WNK1: variants seen among roughly 807,000 people sequenced by gnomAD.
WNK1 encodes WNK lysine deficient protein kinase 1, also known as serine/threonine-protein kinase WNK1.
Under a neutral mutation model 222.8 loss-of-function variants are expected in WNK1, and 38 were observed. The ratio of observed to expected loss-of-function variants is 0.17; its 90% CI spans 0.13 to 0.22. The LOEUF (loss-of-function observed/expected upper bound fraction) is 0.22. Among genes scored for constraint, WNK1 ranks in the 10% least tolerant of loss-of-function variants. The pLI is 1.00. For missense variants in WNK1, 2,348 were observed against 2,918.4 expected (o/e 0.80, Z 4.50); for synonymous variants, 1,090 against 1,092.9 (o/e 1.00, Z 0.05).
intron 8 of WNK1, chr12:867,824 A>C (rs1565546765): frequency 6.2e-7 from 1 of 1,609,528 alleles, no homozygotes; most frequent in Non-Finnish European, 8.5e-7. Flanking sequence ...GTAATTTCAC[A>C]TATGAATGTA....
chr12:830,634 A>G (rs1948720322), intron 4 of WNK1, among the ~76,000 whole-genome samples: 1 of 152,238 alleles, frequency 6.6e-6, no homozygotes, highest in Admixed American at 6.5e-5. Flanking sequence ...ATTGTAGTTT[A>G]AATTACTCAT....
chr12:844,885 C>T (rs968768620), intron 4 of WNK1, among the ~76,000 whole-genome samples: 23 of 144,420 alleles, frequency 1.6e-4, no homozygotes, highest in Non-Finnish European at 2.8e-4. Context: ...AATATTGTAC[C>T]TTCTCTTTTT....
At chr12:780,481 T>C (rs1341383790) in intron 1 of WNK1, among the ~76,000 whole-genome samples, 1 of 152,208 alleles carries the variant, frequency 6.6e-6, no homozygotes, top group Non-Finnish European at 1.5e-5. Context: ...TGTAGTGTGT[T>C]GCATGCACTA....
chr12:877,506 A>G (rs951407542), intron 9 of WNK1, among the ~76,000 whole-genome samples: 3 of 152,204 alleles, frequency 2.0e-5, no homozygotes, highest in Non-Finnish European at 4.4e-5. Flanking sequence ...GTGTATAATT[A>G]CGCACCATGC....
intron 5 of WNK1, among the ~76,000 whole-genome samples, chr12:857,547 G>T (rs1327039631): frequency 1.3e-5 from 2 of 152,166 alleles, no homozygotes; most frequent in Non-Finnish European, 2.9e-5. Context: ...ACTCAAAAAA[G>T]AGTTTAATAT....
intron 26 of WNK1, 162 bp downstream of exon 26, chr12:900,832 A>C: frequency 1.1e-6 from 1 of 884,524 alleles, no homozygotes; most frequent in Non-Finnish European, 1.9e-6. Flanking sequence ...AGTGATAATG[A>C]GAATCGGTGG....
chr12:801,673 G>A (rs1004467492), intron 1 of WNK1, among the ~76,000 whole-genome samples: 2 of 151,570 alleles, frequency 1.3e-5, no homozygotes, highest in African/African-American at 4.9e-5. Context: ...CTCCCAAAGT[G>A]CTGGGATTAT....
chr12:886,167 G>GT, intron 19 of WNK1, 83 bp downstream of exon 19: 1 of 1,226,394 alleles, frequency 8.2e-7, no homozygotes, highest in Non-Finnish European at 1.1e-6. Context: ...CTTCAGCCTT[G>GT]TAAGTTAGAA....
chr12:827,492 G>A lies in WNK1; in HGVS notation c.1153+230G>A, dbSNP rs1324625322. 3.8e-5 allele frequency: 22 copies of A among 580,652 alleles called. No homozygotes were observed. Among genetic ancestry groups the A allele is most frequent in the Non-Finnish European group, 3.1e-6 (1 of 327,828 alleles). 36.0% of individuals were successfully genotyped at this position (580,652 alleles called of 1,614,324 possible). On this transcript the variant is annotated intron_variant, in intron 3 of 27. Coordinates refer to ENST00000315939, the MANE Select transcript of WNK1 (RefSeq NM_018979.4). The surrounding 1 kb of genome is among the most constrained non-coding windows in gnomAD (Gnocchi z 4.6). ...CGTTACAAGAAATAAAGTGAACTTTGTTGATAAAACCTAATGTAATAGCCT... is the reference window on the plus strand; with the variant it reads ...CGTTACAAGAAATAAAGTGAACTTTATTGATAAAACCTAATGTAATAGCCT...
At chr12:889,547 A>G (rs1348031442) in intron 21 of WNK1, among the ~76,000 whole-genome samples, 6 of 152,170 alleles carry the variant, frequency 3.9e-5, no homozygotes, top group Non-Finnish European at 7.3e-5. Flanking sequence ...GGCTAGGTGC[A>G]GTGGCTCACG....
chr12:893,741 T>G (rs1418112445), intron 22 of WNK1, among the ~76,000 whole-genome samples: 2 of 151,286 alleles, frequency 1.3e-5, no homozygotes, highest in African/African-American at 4.9e-5. Flanking sequence ...GAGAATGGCA[T>G]GAACCTGGGA....
intron 2 of WNK1, among the ~76,000 whole-genome samples, chr12:820,288 A>T (rs1947737075): frequency 6.6e-6 from 1 of 152,112 alleles, no homozygotes; most frequent in East Asian, 1.9e-4. Flanking sequence ...CCTTGGTTAA[A>T]TTTATTCCTA....
At chr12:895,798 C>G (rs772327933) in intron 23 of WNK1, among the ~76,000 whole-genome samples, 23 of 152,178 alleles carry the variant, frequency 1.5e-4, no homozygotes, top group Non-Finnish European at 3.1e-4. Flanking sequence ...AGACATAAAT[C>G]TGAATTCTGT....
chr12:816,505 C>G (rs1947352815), intron 2 of WNK1, among the ~76,000 whole-genome samples: 1 of 151,854 alleles, frequency 6.6e-6, no homozygotes, highest in Non-Finnish European at 1.5e-5. Context: ...CTCTCAAACT[C>G]CTGAGCTCAT....
At chr12:875,044 A>G (rs1360894786) in intron 9 of WNK1, among the ~76,000 whole-genome samples, 1 of 152,222 alleles carries the variant, frequency 6.6e-6, no homozygotes, top group African/African-American at 2.4e-5. Context: ...AAAAAATTAT[A>G]CTGTGAGCAA....
intron 11 of WNK1, 99 bp from the exon 12 acceptor site, chr12:880,622 T>G: frequency 1.6e-6 from 2 of 1,289,700 alleles, no homozygotes; most frequent in Admixed American, 3.5e-5. Flanking sequence ...TATTCTTCTT[T>G]GCTGTGTGCT....
Position 907,889 on chromosome 12 carries a change from A to G in WNK1, c.6686A>G (p.Gln2229Arg). Reference protein sequence around the residue: ...TNTVGATVNSQAAQAQPPAMT... With the variant: ...TNTVGATVNSRAAQAQPPAMT... ...ACTGTTGGGGCAACAGTGAACAGCC[A>G]AGCCGCCCAAGCTCAGCCTCCTGCC... is the stretch of plus-strand genomic sequence containing the variant. Residue 2229 changes from glutamine (Q) to arginine (R), a missense_variant, in exon 27 of 28, where the codon CAA becomes CGA. By Grantham distance (43) the Gln-to-Arg change is conservative. This residue lies in a region of WNK1 where 1,144 missense variants were observed against 1,273.6 expected (regional missense o/e 0.90). Coordinates refer to ENST00000315939, the MANE Select transcript of WNK1 (RefSeq NM_018979.4). 6.2e-7 allele frequency: 1 copy of G among 1,614,106 alleles called. No homozygotes were observed. The highest frequency in any genetic ancestry group is 8.5e-7 in the Non-Finnish European group (1 of 1,180,044).
chr12:908,027 A>G lies in WNK1; in HGVS notation c.6824A>G (p.Asn2275Ser). The change falls in exon 27 of 28, where the codon AAT becomes AGT. Residue 2275 changes from asparagine (N) to serine (S), a missense_variant. Around this residue, in one of 13 missense-constraint regions of WNK1, gnomAD observed 55 missense variants for 104.1 expected, o/e 0.53. Transcript: ENST00000315939. ...AGGAGAGGAAGCAAAGGGCACATGAATTACGAGGTAAGTCTCTCTTTTGCC... is the reference window on the plus strand; with the variant it reads ...AGGAGAGGAAGCAAAGGGCACATGAGTTACGAGGTAAGTCTCTCTTTTGCC... ...SGRRGSKGHM[N>S]YEGPGMARKF... The G allele has an allele frequency of 1.2e-6, 2 of 1,614,122 alleles. No homozygotes were observed. The highest frequency in any genetic ancestry group is 2.2e-5 in the South Asian group (2 of 91,078).
intron 26 of WNK1, among the ~76,000 whole-genome samples, chr12:905,174 A>G (rs1393068402): frequency 6.6e-6 from 1 of 152,230 alleles, no homozygotes; most frequent in Non-Finnish European, 1.5e-5. Context: ...CAGAAGAACT[A>G]AAAAAGGTTA....
Sources: gnomAD v4.1 joint callset for allele counts (sites outside exome capture counted in the v4.1 genomes callset) on GRCh38, gnomAD v4.1.1 for gene constraint, gnomAD v4.1.1 regional missense constraint, Gnocchi (gnomAD v3.1) non-coding constraint, MANE v1.5 for transcripts, NCBI Gene and HGNC (gene_info 2026-07-23, HGNC 2026-07-21) for gene names.